The following CDH11 variants were observed in gnomAD, a reference collection of about 807,000 sequenced individuals.
CDH11 encodes cadherin 11.
Under a neutral mutation model 67.8 loss-of-function variants are expected in CDH11, and 11 were observed. That is an observed-to-expected ratio of 0.16 (90% CI 0.10 to 0.27). The LOEUF (loss-of-function observed/expected upper bound fraction) is 0.27, where lower values mean the gene tolerates loss of function less well. Among genes scored for constraint, CDH11 ranks in the 10% least tolerant of loss-of-function variants. The pLI, the probability that CDH11 is intolerant of heterozygous loss-of-function variation, is 1.00. For missense variants in CDH11, 847 were observed against 1,031.2 expected (o/e 0.82, Z 2.45); for synonymous variants, 419 against 400.0 (o/e 1.05, Z -0.57).
intron 1 of CDH11, among the ~76,000 whole-genome samples, chr16:65,109,569 G>C (rs1213576422): frequency 2.6e-5 from 4 of 152,194 alleles, no homozygotes; most frequent in African/African-American, 9.6e-5. Context: ...GATGCGACTT[G>C]AGGCCACTTG....
chr16:65,005,938 C>T (rs2073043357), intron 2 of CDH11, among the ~76,000 whole-genome samples: 1 of 152,202 alleles, frequency 6.6e-6, no homozygotes, highest in South Asian at 2.1e-4. Flanking sequence ...ATGCCTTTCA[C>T]CTTTCTACAC....
At chr16:65,098,809 G>A (rs1456752043) in intron 1 of CDH11, among the ~76,000 whole-genome samples, 2 of 152,084 alleles carry the variant, frequency 1.3e-5, no homozygotes, top group Non-Finnish European at 2.9e-5. Context: ...CTGAAGTCCT[G>A]TTCTTGTCTC....
intron 8 of CDH11, among the ~76,000 whole-genome samples, chr16:64,978,320 G>T (rs2072236280): frequency 6.6e-6 from 1 of 152,194 alleles, no homozygotes; most frequent in Non-Finnish European, 1.5e-5. Context: ...ACAGGGGCCA[G>T]CAAACTTGTT....
At chr16:65,019,966 C>A (rs2073390133) in intron 2 of CDH11, among the ~76,000 whole-genome samples, 1 of 151,980 alleles carries the variant, frequency 6.6e-6, no homozygotes, top group African/African-American at 2.4e-5. Flanking sequence ...TCTTTACACA[C>A]CTTGCATGTA....
intron 12 of CDH11, among the ~76,000 whole-genome samples, chr16:64,950,230 A>G (rs2071320377): frequency 1.3e-5 from 2 of 152,156 alleles, no homozygotes; most frequent in African/African-American, 4.8e-5. Context: ...AGGGGTACCC[A>G]TGAGCTGAGG....
intron 1 of CDH11, among the ~76,000 whole-genome samples, chr16:65,062,461 C>G (rs1187267294): frequency 6.6e-6 from 1 of 152,144 alleles, no homozygotes; most frequent in East Asian, 1.9e-4. Context: ...GAAAAGTAAA[C>G]TGCATAGTCC....
chr16:64,982,300 G>A lies in CDH11; in HGVS notation c.1001C>T (p.Pro334Leu). Residue 334 changes from proline to leucine, a missense_variant and splice_region_variant, in exon 8 of 13, where the codon CCT (proline) becomes CTT (leucine). Physicochemically the swap from Pro to Leu is moderately conservative, Grantham distance 98 (BLOSUM62 -3). Around this residue, in one of 2 missense-constraint regions of CDH11, gnomAD observed 612 missense variants for 678.7 expected, o/e 0.90. Coordinates refer to ENST00000268603, the MANE Select transcript of CDH11 (RefSeq NM_001797.4). Reference protein sequence around the residue: ...TQEGVIKLKKPVDFETKRAYS... With the variant: ...TQEGVIKLKKLVDFETKRAYS... The stretch of plus-strand genomic sequence containing the variant: ...GGCTCTTTTGGTTTCAAAATCTACA[G>A]GCTGGCAAGAATGAAGAGAAGATTG... 1 of 1,609,494 alleles carries A rather than the reference G, an allele frequency of 6.2e-7. No individual in the cohort carries two copies. Among genetic ancestry groups the A allele is most frequent in the Non-Finnish European group, 8.5e-7 (1 of 1,177,062 alleles).
At chr16:65,040,406 C>G (rs9746754) in intron 2 of CDH11, among the ~76,000 whole-genome samples, 136,799 of 152,156 alleles carry the variant, frequency 0.9, 61,567 homozygotes, top group East Asian at 1. Context: ...TCCTTTGTAG[C>G]GACGTGGATG....
At chr16:65,058,027 G>A (rs1224308842) in intron 1 of CDH11, among the ~76,000 whole-genome samples, 1 of 152,156 alleles carries the variant, frequency 6.6e-6, no homozygotes, top group Non-Finnish European at 1.5e-5. Context: ...ATGAGCTCAG[G>A]AGTTCAAGAC....
intron 2 of CDH11, among the ~76,000 whole-genome samples, chr16:65,009,493 T>C (rs560375371): frequency 1.4e-4 from 21 of 152,324 alleles, no homozygotes; most frequent in African/African-American, 4.6e-4. Context: ...TTTTGTTTTA[T>C]GAAATATTTC....
At chr16:65,045,874 G>C (rs2073953727) in intron 2 of CDH11, among the ~76,000 whole-genome samples, 1 of 152,098 alleles carries the variant, frequency 6.6e-6, no homozygotes, top group Non-Finnish European at 1.5e-5. Flanking sequence ...TCTGCAAGGA[G>C]CATGCACATG....
chr16:64,951,915 A>T (rs1319363983), intron 11 of CDH11, among the ~76,000 whole-genome samples: 4 of 152,068 alleles, frequency 2.6e-5, no homozygotes, highest in African/African-American at 9.7e-5. Context: ...AATGATTTGA[A>T]GTTTGTTGCT....
intron 2 of CDH11, among the ~76,000 whole-genome samples, chr16:65,014,253 G>A (rs535716427): frequency 1.3e-4 from 20 of 152,218 alleles, no homozygotes; most frequent in African/African-American, 3.9e-4. Context: ...GACCAGGGTC[G>A]TTCAATAGAA....
rs1411396118 is a variant in CDH11 at position 65,099,054 on chromosome 16, CACTT to C, written c.-298+22822_-298+22825del. On this transcript the variant is annotated intron_variant, in intron 1 of 12. Transcript: ENST00000268603. ...TCATGCATTCATTCATAATTTCAGT[CACTT>C]ACTAACCCTTTAATTCACCAATCCA... Among the ~76,000 whole-genome samples, 6 of 152,138 alleles carry C rather than the reference CACTT, an allele frequency of 3.9e-5. No individual in the cohort carries two copies. In the East Asian group the frequency reaches 9.6e-4, roughly 24 times the overall value.
At chr16:65,103,570 T>C (rs913094909) in intron 1 of CDH11, among the ~76,000 whole-genome samples, 2 of 152,202 alleles carry the variant, frequency 1.3e-5, no homozygotes, top group African/African-American at 4.8e-5. Flanking sequence ...GATGGTAGTA[T>C]AGGATTATTT....
At chr16:65,064,389 T>C (rs1363049588) in intron 1 of CDH11, among the ~76,000 whole-genome samples, 2 of 152,236 alleles carry the variant, frequency 1.3e-5, no homozygotes, top group Admixed American at 6.5e-5. Context: ...CATCACGCTA[T>C]TGTTTCTGAC....
At chr16:65,067,517 CT>C (rs2074333412) in intron 1 of CDH11, among the ~76,000 whole-genome samples, 1 of 152,144 alleles carries the variant, frequency 6.6e-6, no homozygotes, top group South Asian at 2.1e-4. Context: ...ATTGTTTTTC[CT>C]TTGAAATTGT....
chr16:65,007,088 C>T (rs1018892008), intron 2 of CDH11: 1 of 152,164 alleles, frequency 6.6e-6, no homozygotes, highest in Admixed American at 6.5e-5. Context: ...ACTTGGGATA[C>T]CATAGCCATC....
intron 1 of CDH11, among the ~76,000 whole-genome samples, chr16:65,115,844 G>T (rs2075237499): frequency 6.6e-6 from 1 of 152,116 alleles, no homozygotes; most frequent in Non-Finnish European, 1.5e-5. Flanking sequence ...GGAGGCCAAG[G>T]CAGGAAGATT....
Sources: gnomAD v4.1 joint callset for allele counts (sites outside exome capture counted in the v4.1 genomes callset) on GRCh38, gnomAD v4.1.1 for gene constraint, gnomAD v4.1.1 regional missense constraint, MANE v1.5 for transcripts, NCBI Gene and HGNC (gene_info 2026-07-23, HGNC 2026-07-21) for gene names.